The following ROCK1 variants were observed in gnomAD, a reference collection of about 807,000 sequenced individuals.
ROCK1 encodes rho-associated protein kinase 1.
Under a neutral mutation model 196.8 loss-of-function variants are expected in ROCK1, and 36 were observed. The ratio of observed to expected loss-of-function variants is 0.18; its 90% confidence interval spans 0.14 to 0.24. The LOEUF is 0.24. ROCK1 is among the 10% of genes least tolerant of loss of function. ROCK1 has a pLI of 1.00. For missense variants in ROCK1, 920 were observed against 1,562.0 expected, an observed-to-expected ratio of 0.59 and a Z score of 6.93; for synonymous variants, 443 against 515.9, an observed-to-expected ratio of 0.86 and a Z score of 1.91.
At chr18:20,996,688 T>G (rs746316078) in intron 16 of ROCK1, among the ~76,000 whole-genome samples, 1 of 152,166 alleles carries the variant, frequency 6.6e-6, no homozygotes, top group Non-Finnish European at 1.5e-5. Flanking sequence ...TATTCATATC[T>G]TGGGTAGAGA....
Position 21,059,608 on chromosome 18 carries a change from A to G in ROCK1, c.176-9728T>C, listed in dbSNP as rs544355799. 1.1e-4 allele frequency among the ~76,000 whole-genome samples: 16 copies of G among 152,364 alleles called. No homozygotes were observed. In the East Asian group the frequency reaches 2.5e-3, roughly 24 times the overall value. ...ATATTTACTCCAAAGTAATAAAAGT[A>G]TATATTTAAAAATCCATCTTGAGTT... On this transcript the variant is annotated intron_variant, in intron 2 of 32. Coordinates refer to ENST00000399799, the MANE Select transcript of ROCK1 (RefSeq NM_005406.3).
At chr18:21,079,922 A>G (rs1167399022) in intron 1 of ROCK1, among the ~76,000 whole-genome samples, 2 of 152,184 alleles carry the variant, frequency 1.3e-5, no homozygotes, top group African/African-American at 4.8e-5. Flanking sequence ...TGTGCAGTAG[A>G]ATACTGCTTT....
chr18:20,988,921 A>G (rs1465779705), intron 18 of ROCK1, among the ~76,000 whole-genome samples: 3 of 152,288 alleles, frequency 2.0e-5, no homozygotes, highest in Non-Finnish European at 1.5e-5. Flanking sequence ...TAGGCAGTCA[A>G]TAATTAACTT....
chr18:21,070,631 CA>C lies in ROCK1; in HGVS notation c.94-19del, dbSNP rs764766146. On this transcript the variant is annotated intron_variant, in intron 1 of 32. Transcript: ENST00000399799. ...AATCCATCCTAAAGAAACAAACAAA[CA>C]ATGGTTAGTTTTTTGGATCACATTA... is the stretch of plus-strand genomic sequence containing the variant. 1.3e-6 allele frequency: 2 copies of C among 1,557,636 alleles called. No individual in the cohort carries two copies. Among genetic ancestry groups the C allele is most frequent in the South Asian group, 2.3e-5 (2 of 85,528 alleles).
At chr18:20,971,621 C>T (rs1023229454) in intron 22 of ROCK1, among the ~76,000 whole-genome samples, 31 of 150,980 alleles carry the variant, frequency 2.1e-4, no homozygotes, top group African/African-American at 6.6e-4. Context: ...CCTGTAATCC[C>T]GGCTACTTGG....
Position 21,006,401 on chromosome 18 carries a change from G to A in ROCK1, c.1835C>T (p.Ala612Val), listed in dbSNP as rs200675525. ...ATCATGACCTCTGTCTCTTCGTTCA[G>A]CTTCTAATATAGCTTGCAGCTGGTA... ...DYYQLQAILE[A>V]ERRDRGHDSE... is the part of the protein sequence containing the mutation. The change falls in exon 16 of 33, where the codon GCT becomes GTT. Residue 612 changes from alanine to valine, a missense_variant. Around this residue, in one of 6 missense-constraint regions of ROCK1, gnomAD observed 520 missense variants for 657.1 expected, o/e 0.79. Coordinates refer to ENST00000399799, the MANE Select transcript of ROCK1 (RefSeq NM_005406.3). 1 of 1,613,312 alleles carries A rather than the reference G, an allele frequency of 6.2e-7. No individual in the cohort carries two copies. The highest frequency in any genetic ancestry group is 8.5e-7 in the Non-Finnish European group (1 of 1,179,920).
In ROCK1 at chr18:20,991,177, A is replaced by G; in HGVS notation, c.2142T>C (p.Cys714=). The change falls in exon 18 of 33, where the codon TGT becomes TGC. Residue 714 remains cysteine, a splice_region_variant and synonymous_variant. Transcript: ENST00000399799. ...AAAAATATTAAAACTGACACTTACC[A>G]CACATTGCCACAGACTTTGCCTCTT... ...SIEEAKSVAM[C]EMEKKLKEER... 1 of 1,585,726 alleles carries G rather than the reference A, an allele frequency of 6.3e-7. No homozygotes were observed. The highest frequency in any genetic ancestry group is 8.5e-7 in the Non-Finnish European group (1 of 1,172,272).
At chr18:20,959,085 T>TA (rs1491477779) in intron 29 of ROCK1, among the ~76,000 whole-genome samples, 2 of 33,748 alleles carry the variant, frequency 5.9e-5, no homozygotes, top group African/African-American at 2.0e-4. Flanking sequence ...AATATATATA[T>TA]TTTATATAAT....
At position 21,031,533 on chromosome 18, in the gene ROCK1, A is replaced by G. The variant is rs2143483718; in HGVS notation, c.1052-2598T>C. Reference sequence around the variant, plus strand: ...GGCAGGAGAATGGCGTGAACCCAGGAGGCGGAGCTTGCAGTGAGCTAAGAT... The same window carrying G: ...GGCAGGAGAATGGCGTGAACCCAGGGGGCGGAGCTTGCAGTGAGCTAAGAT... On this transcript the variant is annotated intron_variant, in intron 9 of 32. Transcript: ENST00000399799. Among the ~76,000 whole-genome samples the G allele has an allele frequency of 2.1e-5, 3 of 143,354 alleles. 1 individual carries two copies. The Middle Eastern group carries it at 0.011, about 535-fold the overall frequency. The allele number at this position is 143,354 out of a possible 152,430, so 94.0% of individuals were successfully genotyped here. A position where few individuals can be genotyped will look rare whatever the true frequency, so the allele number is the denominator to read the frequency against.
At position 21,042,112 on chromosome 18, in the gene ROCK1, G is replaced by C; in HGVS notation, c.944C>G (p.Ala315Gly). 2 of 1,598,914 alleles carry C rather than the reference G, an allele frequency of 1.3e-6. No individual in the cohort carries two copies. The highest frequency in any genetic ancestry group is 1.1e-5 in the South Asian group (1 of 87,870). ...AATTATTTACCTGTCAGTAAGGAAG[G>C]CACAAATAAGGTTTTTTGCTTCTTT... ...ISKEAKNLIC[A>G]FLTDREVRLG... The change falls in exon 8 of 33, where the codon GCC becomes GGC. Residue 315 changes from alanine (A) to glycine (G), a missense_variant. Ala to Gly is a moderately conservative substitution (Grantham distance 60). Transcript: ENST00000399799.
intron 14 of ROCK1, among the ~76,000 whole-genome samples, chr18:21,007,773 T>C (rs1392683077): frequency 6.6e-6 from 1 of 152,180 alleles, no homozygotes; most frequent in Non-Finnish European, 1.5e-5. Flanking sequence ...CGCTGGGATT[T>C]AGGCATCAGT....
intron 1 of ROCK1, among the ~76,000 whole-genome samples, chr18:21,070,944 T>C (rs1598551716): frequency 6.6e-6 from 1 of 152,166 alleles, no homozygotes; most frequent in African/African-American, 2.4e-5. Flanking sequence ...TTTATCTTTA[T>C]CTTAGACATC....
intron 1 of ROCK1, among the ~76,000 whole-genome samples, chr18:21,077,932 A>G (rs1307213293): frequency 6.6e-6 from 1 of 152,186 alleles, no homozygotes; most frequent in East Asian, 1.9e-4. Flanking sequence ...AGGAACCAAG[A>G]CTTCAGTAAT....
At chr18:20,958,237 G>A (rs1404222693) in intron 29 of ROCK1, among the ~76,000 whole-genome samples, 1 of 151,762 alleles carries the variant, frequency 6.6e-6, no homozygotes, top group African/African-American at 2.4e-5. Context: ...AGAAAATAAA[G>A]AAAGAGTATT....
At chr18:20,959,033 T>TATATTTTATA (rs1320049839) in intron 29 of ROCK1, among the ~76,000 whole-genome samples, 2 of 57,548 alleles carry the variant, frequency 3.5e-5, no homozygotes, top group Admixed American at 6.3e-4. Context: ...ATATATATAT[T>TATATTTTATA]TTATATAATA....
chr18:21,074,010 T>TAAAAAAAGTAAAAAAA (rs1316379330), intron 1 of ROCK1, among the ~76,000 whole-genome samples: 4 of 151,790 alleles, frequency 2.6e-5, no homozygotes, highest in Admixed American at 6.6e-5. Context: ...GTAAAAAAAA[T>TAAAAAAAGTAAAAAAA]AGCTGGGCGT....
chr18:21,099,426 A>C (rs868125516), intron 1 of ROCK1, among the ~76,000 whole-genome samples: 5 of 152,190 alleles, frequency 3.3e-5, no homozygotes, highest in South Asian at 2.1e-4. Flanking sequence ...TTCTGAATAT[A>C]TCTGATATAG....
At chr18:20,997,836 ATTT>A (rs112658977) in intron 16 of ROCK1, among the ~76,000 whole-genome samples, 4 of 141,936 alleles carry the variant, frequency 2.8e-5, no homozygotes, top group African/African-American at 7.7e-5. Flanking sequence ...CAACAAGTGG[ATTT>A]TTTTTTTTTT....
rs144179139 is a variant in ROCK1, at chr18:21,027,485, T to C, written c.1211+1291A>G. Among the ~76,000 whole-genome samples, 1,076 of 152,300 alleles carry C rather than the reference T, an allele frequency of 7.1e-3. 12 individuals are homozygous for C. Among genetic ancestry groups the C allele is most frequent in the African/African-American group, 0.023 (969 of 41,558 alleles). ...CAAGTACATTAGAGTAAAGCTAACA[T>C]GAACTCATACTAATGGTAATAATAG... On this transcript the variant is annotated intron_variant, in intron 10 of 32. Coordinates refer to ENST00000399799, the MANE Select transcript of ROCK1 (RefSeq NM_005406.3).
Sources: gnomAD v4.1 joint callset for allele counts (sites outside exome capture counted in the v4.1 genomes callset) on GRCh38, gnomAD v4.1.1 for gene constraint, gnomAD v4.1.1 regional missense constraint, MANE v1.5 for transcripts, NCBI Gene and HGNC (gene_info 2026-07-23, HGNC 2026-07-21) for gene names.